XYLT2: variants seen among roughly 807,000 people sequenced by gnomAD.
The protein encoded by XYLT2 is xylosyltransferase 2.
XYLT2 carries 37 observed loss-of-function variants against 82.6 expected under a neutral mutation model. The observed-to-expected ratio is 0.45, with a 90% CI of 0.34 to 0.59. The LOEUF is 0.59. Ranked by LOEUF, XYLT2 falls within the 20% of genes least tolerant of loss-of-function variation. The probability of loss-of-function intolerance (pLI) is 0.01; values close to 1 mark genes in which losing one functional copy is unlikely to be tolerated. For missense variants in XYLT2, 934 were observed against 1,181.3 expected (o/e 0.79, Z 3.07); for synonymous variants, 474 against 499.0 (o/e 0.95, Z 0.67).
rs1414917823 is a variant in XYLT2 at position 50,346,168 on chromosome 17, C to A, written c.28C>A (p.Leu10Met). 1 of 1,285,566 alleles carries A rather than the reference C, an allele frequency of 7.8e-7. No individual in the cohort carries two copies. The highest frequency in any genetic ancestry group is 1.0e-6 in the Non-Finnish European group (1 of 990,836). 79.6% of individuals were successfully genotyped at this position (1,285,566 alleles called of 1,614,324 possible). ...GGTGGCGAGCGCGCGAGTGCAGAAGCTGGTGCGGCGCTACAAGCTGGCGAT... is the reference window on the plus strand; with the variant it reads ...GGTGGCGAGCGCGCGAGTGCAGAAGATGGTGCGGCGCTACAAGCTGGCGAT... MVASARVQK[L>M]VRRYKLAIAT... Residue 10 changes from leucine to methionine, a missense_variant, in exon 1 of 11, where the codon CTG becomes ATG. By Grantham distance (15) the Leu-to-Met change is conservative (BLOSUM62 2). Transcript: ENST00000017003. The surrounding 1 kb of genome is among the most constrained non-coding windows in gnomAD (Gnocchi z 5.1).
Position 50,353,664 on chromosome 17 carries a change from C to G in XYLT2, c.170C>G (p.Pro57Arg). ...GRQRKPRPLD[P>R]GEGSKDTDSS... The stretch of plus-strand genomic sequence containing the variant: ...CAGAGGAAGCCACGGCCACTGGACC[C>G]TGGCGAGGGTTCCAAGGACACAGAC... Residue 57 changes from proline (P) to arginine (R), a missense_variant, in exon 2 of 11, where the codon CCT becomes CGT. By Grantham distance (103) the Pro-to-Arg change is moderately radical. Transcript: ENST00000017003. The G allele has an allele frequency of 6.4e-7, 1 of 1,567,312 alleles. No homozygotes were observed. The highest frequency in any genetic ancestry group is 8.7e-7 in the Non-Finnish European group (1 of 1,154,910).
chr17:50,354,302 G>A, intron 2 of XYLT2, 106 bp from the exon 3 acceptor site: 1 of 1,497,838 alleles, frequency 6.7e-7, no homozygotes, highest in South Asian at 1.3e-5. Flanking sequence ...CGAGCATGGA[G>A]CTCCAAGTCT....
Position 50,360,312 on chromosome 17 carries a change from G to A in XYLT2, c.*21G>A, listed in dbSNP as rs200417687. 3.5e-5 allele frequency: 55 copies of A among 1,554,178 alleles called. No individual in the cohort carries two copies. The Admixed American group carries it at 4.0e-4, about 11-fold the overall frequency. ...GGTAGCAGGGCCCCAGCCAGTACCC[G>A]TGGAGGACCCGGGAAATTGCACCTT... On this transcript the variant is annotated 3_prime_UTR_variant, in exon 11 of 11. Transcript: ENST00000017003.
Position 50,359,970 on chromosome 17 carries a change from T to C in XYLT2, c.2277T>C (p.Asp759=). 2 of 1,592,314 alleles carry C rather than the reference T, an allele frequency of 1.3e-6. No individual in the cohort carries two copies. The highest frequency in any genetic ancestry group is 1.7e-6 in the Non-Finnish European group (2 of 1,167,388). The part of the protein sequence containing the change: ...TFNRKLPLRK[D]DASWLHAGPP... ...TTACTGCCTGCTCTGCACCCACAGATGATGCCAGCTGGCTGCACGCAGGGC... is the reference window on the plus strand; with the variant it reads ...TTACTGCCTGCTCTGCACCCACAGACGATGCCAGCTGGCTGCACGCAGGGC... Residue 759 remains aspartate, a splice_region_variant and synonymous_variant, in exon 11 of 11, where the codon GAT becomes GAC. Transcript: ENST00000017003.
At position 50,346,767 on chromosome 17, in the gene XYLT2, C is replaced by T; in HGVS notation, c.135+492C>T. ...CAGCGGCCGGTGAGGAAGGGGAGCT[C>T]GGGGGTGGAATTCAGGCCTGGGACA... On this transcript the variant is annotated intron_variant, in intron 1 of 10. Coordinates refer to ENST00000017003, the MANE Select transcript of XYLT2 (RefSeq NM_022167.4). This position sits in a 1 kb window ranked among gnomAD's most constrained non-coding sequence, Gnocchi z 5.1. 1.0e-6 allele frequency: 1 copy of T among 985,228 alleles called. No individual in the cohort carries two copies. The highest frequency in any genetic ancestry group is 1.2e-6 in the Non-Finnish European group (1 of 829,862). The allele number at this position is 985,228 out of a possible 1,614,324, so 61.0% of individuals were successfully genotyped here.
chr17:50,348,162 G>T (rs796213066), intron 1 of XYLT2, among the ~76,000 whole-genome samples: 14 of 152,324 alleles, frequency 9.2e-5, no homozygotes, highest in African/African-American at 3.4e-4. Flanking sequence ...ACTAGACACT[G>T]TGCTAATACT....
At chr17:50,357,592 CT>C (rs59572285) in intron 9 of XYLT2, 3,952 of 156,244 alleles carry the variant, frequency 0.025, no homozygotes, top group Middle Eastern at 0.048. Context: ...TCCTCATAGT[CT>C]TTTTTTTTTT....
At chr17:50,359,564 C>T in intron 10 of XYLT2, 1 of 170,944 alleles carries the variant, frequency 5.8e-6, no homozygotes, top group East Asian at 1.7e-4. Context: ...GCCTCAAGGA[C>T]AAAGTCAGAG....
Position 50,357,268 on chromosome 17 carries a change from C to A in XYLT2, c.1941+16C>A, listed in dbSNP as rs776560533. ...GAGTCTGGAGGTGGGACAGGTCCCC[C>A]ACTTGCTTTCTCCCAACCCCCACCC... On this transcript the variant is annotated intron_variant, in intron 9 of 10. Transcript: ENST00000017003. The A allele has an allele frequency of 3.9e-6, 6 of 1,555,852 alleles. No homozygotes were observed. The African/African-American group carries it at 8.2e-5, about 21-fold the overall frequency.
At position 50,354,859 on chromosome 17, in the gene XYLT2, C is replaced by T. The variant is rs76588845; in HGVS notation, c.810C>T (p.Ser270=). ...HFFYIHVDKR[S]DYLHREVVEL... Reference sequence around the variant, plus strand: ...GAGTGTCTCCTCCCCACCAGCGTTCCGACTACCTGCACCGGGAGGTGGTGG... The same window carrying T: ...GAGTGTCTCCTCCCCACCAGCGTTCTGACTACCTGCACCGGGAGGTGGTGG... The change falls in exon 4 of 11, where the codon TCC becomes TCT. Residue 270 remains serine, a synonymous_variant. Transcript: ENST00000017003. 3.7e-4 allele frequency: 596 copies of T among 1,613,406 alleles called. 4 individuals carry two copies. In the East Asian group the frequency reaches 0.013, roughly 35 times the overall value.
chr17:50,357,381 C>T, intron 9 of XYLT2, 129 bp downstream of exon 9: 1 of 912,088 alleles, frequency 1.1e-6, no homozygotes, highest in South Asian at 1.8e-5. Flanking sequence ...GTGATGCCCC[C>T]ATGCAGACAT....
In XYLT2 at chr17:50,358,489, C is replaced by T. The variant is rs748682891; in HGVS notation, c.2224C>T (p.Arg742Cys). 1.1e-5 allele frequency: 18 copies of T among 1,614,190 alleles called. No individual in the cohort carries two copies. Among genetic ancestry groups the T allele is most frequent in the Admixed American group, 5.0e-5 (3 of 60,034 alleles). ...GTTCTGGGAACCGCTGGGTGAGACC[C>T]GCTTCCTTGTGCTGCCCTTGACCTT... ...LQFWEPLGET[R>C]FLVLPLTFNR... The change falls in exon 10 of 11, where the codon CGC becomes TGC. Residue 742 changes from arginine (R) to cysteine (C), a missense_variant. Physicochemically the swap from Arg to Cys is radical, Grantham distance 180. Transcript: ENST00000017003.
intron 4 of XYLT2, among the ~76,000 whole-genome samples, 169 bp downstream of exon 4, chr17:50,355,225 TGTAA>T (rs1376598001): frequency 6.6e-6 from 1 of 151,874 alleles, no homozygotes; most frequent in African/African-American, 2.4e-5. Flanking sequence ...GAGGGGTTGG[TGTAA>T]GATGATCTAA....
At chr17:50,352,123 G>C (rs1285832927) in intron 1 of XYLT2, among the ~76,000 whole-genome samples, 1 of 152,230 alleles carries the variant, frequency 6.6e-6, no homozygotes, top group Admixed American at 6.5e-5. Flanking sequence ...CTTAGTCCTG[G>C]AGAACTTGTG....
intron 1 of XYLT2, among the ~76,000 whole-genome samples, chr17:50,351,104 C>T (rs561676071): frequency 6.6e-6 from 1 of 152,198 alleles, no homozygotes; most frequent in South Asian, 2.1e-4. Flanking sequence ...GGGGAAGCCA[C>T]TGGAGGTTTG....
intron 1 of XYLT2, among the ~76,000 whole-genome samples, chr17:50,349,254 C>A (rs1320439142): frequency 1.3e-5 from 2 of 152,238 alleles, no homozygotes; most frequent in Non-Finnish European, 2.9e-5. Context: ...TCTTTCTCTG[C>A]TTGTGCTCTG....
At position 50,360,830 on chromosome 17, in the gene XYLT2, A is replaced by G; in HGVS notation, c.*539A>G. The G allele has an allele frequency of 1.0e-6, 1 of 985,978 alleles. No homozygotes were observed. The highest frequency in any genetic ancestry group is 1.2e-6 in the Non-Finnish European group (1 of 830,036). 61.1% of individuals were successfully genotyped at this position (985,978 alleles called of 1,614,324 possible). ...GGCTGCAAGTGCCCTGCCAGGCTCT[A>G]AGGCCCGAAGAACAGGTGATATCGG... On this transcript the variant is annotated 3_prime_UTR_variant, in exon 11 of 11. Transcript: ENST00000017003.
chr17:50,354,586 A>G lies in XYLT2; in HGVS notation c.804+3A>G. 2 of 1,604,378 alleles carry G rather than the reference A, an allele frequency of 1.2e-6. No individual in the cohort carries two copies. The highest frequency in any genetic ancestry group is 1.7e-6 in the Non-Finnish European group (2 of 1,175,178). ...TCTTTTACATCCATGTGGACAAGGTACTGTGGTGGGGAGAGGCCAAGGGGT... is the reference window on the plus strand; with the variant it reads ...TCTTTTACATCCATGTGGACAAGGTGCTGTGGTGGGGAGAGGCCAAGGGGT... On this transcript the variant is annotated splice_donor_region_variant and intron_variant, in intron 3 of 10. Transcript: ENST00000017003.
At chr17:50,353,566 G>T in intron 1 of XYLT2, 64 bp from the exon 2 acceptor site, 1 of 1,516,270 alleles carries the variant, frequency 6.6e-7, no homozygotes, top group Non-Finnish European at 8.8e-7. Context: ...CAACCAAGAT[G>T]GAACTCAAGG....
Sources: gnomAD v4.1 joint callset for allele counts (sites outside exome capture counted in the v4.1 genomes callset) on GRCh38, gnomAD v4.1.1 for gene constraint, Gnocchi (gnomAD v3.1) non-coding constraint, MANE v1.5 for transcripts, NCBI Gene and HGNC (gene_info 2026-07-23, HGNC 2026-07-21) for gene names.